CADPS: variants seen among roughly 807,000 people sequenced by gnomAD.
The protein encoded by CADPS is calcium dependent secretion activator, also known as calcium-dependent secretion activator 1.
A neutral mutation model predicts 167.3 loss-of-function variants in CADPS; 57 were observed. That is an observed-to-expected ratio of 0.34 (90% confidence interval 0.28 to 0.42). The LOEUF is 0.42. CADPS is among the 20% of genes least tolerant of loss of function. The pLI, the probability that CADPS is intolerant of heterozygous loss-of-function variation, is 1.00. For missense variants in CADPS, 1,414 were observed against 1,738.1 expected (o/e 0.81, Z 3.32); for synonymous variants, 676 against 635.3 (o/e 1.06, Z -0.96).
At chr3:62,473,530 G>A (rs1467361629) in intron 24 of CADPS, among the ~76,000 whole-genome samples, 1 of 152,160 alleles carries the variant, frequency 6.6e-6, no homozygotes, top group Non-Finnish European at 1.5e-5. Flanking sequence ...AGAGAAAAAT[G>A]ATCATGATAG....
chr3:62,779,770 C>T (rs915514911), intron 1 of CADPS: 8 of 319,900 alleles, frequency 2.5e-5, no homozygotes, highest in Admixed American at 3.9e-5. Flanking sequence ...CCAACCTCCA[C>T]GAAGCTCCTC....
rs1194259295 is a variant in CADPS at position 62,602,364 on chromosome 3, C to T, written c.1326-9616G>A. On this transcript the variant is annotated intron_variant, in intron 6 of 29. Coordinates refer to ENST00000383710, the MANE Select transcript of CADPS (RefSeq NM_003716.4). This position sits in a 1 kb window ranked among gnomAD's most constrained non-coding sequence, Gnocchi z 4.4. ...TGGATTTGCATTTATTCAAGGTATA[C>T]GGCTCATGTGAACTGGGTGTTAAAT... is the stretch of plus-strand genomic sequence containing the variant. Among the ~76,000 whole-genome samples the T allele has an allele frequency of 5.3e-5, 8 of 152,008 alleles. No individual in the cohort carries two copies. Among genetic ancestry groups the T allele is most frequent in the Admixed American group, 1.3e-4 (2 of 15,266 alleles).
At chr3:62,608,080 C>G (rs2060939299) in intron 6 of CADPS, among the ~76,000 whole-genome samples, 1 of 152,116 alleles carries the variant, frequency 6.6e-6, no homozygotes, top group African/African-American at 2.4e-5. Flanking sequence ...GGTATATTGA[C>G]ACTATCACAG....
chr3:62,484,337 T>C lies in CADPS; in HGVS notation c.3027-2468A>G, dbSNP rs540632527. Among the ~76,000 whole-genome samples the C allele has an allele frequency of 3.9e-5, 6 of 152,254 alleles. No individual in the cohort carries two copies. In the South Asian group the frequency reaches 1.0e-3, roughly 26 times the overall value. ...AAGCATAATATTTTACTAATATACA[T>C]GTGAAAAGGGGGAATTTTTAAGTAG... On this transcript the variant is annotated intron_variant, in intron 21 of 29. Transcript: ENST00000383710.
At chr3:62,843,026 G>A (rs1216976589) in intron 1 of CADPS, among the ~76,000 whole-genome samples, 4 of 152,020 alleles carry the variant, frequency 2.6e-5, no homozygotes, top group Non-Finnish European at 5.9e-5. Flanking sequence ...TAAAAATGAT[G>A]ATTCATTATC....
intron 7 of CADPS, among the ~76,000 whole-genome samples, chr3:62,587,241 C>T (rs2084842446): frequency 6.6e-6 from 1 of 152,172 alleles, no homozygotes; most frequent in Non-Finnish European, 1.5e-5. Flanking sequence ...GTTAAAGCTC[C>T]AGCATAAAAT....
At chr3:62,529,810 C>T (rs2073230047) in intron 13 of CADPS, among the ~76,000 whole-genome samples, 1 of 152,184 alleles carries the variant, frequency 6.6e-6, no homozygotes, top group South Asian at 2.1e-4. Flanking sequence ...ATGAAGCATA[C>T]AGCATACACG....
intron 8 of CADPS, among the ~76,000 whole-genome samples, chr3:62,573,193 C>T (rs1158609466): frequency 6.6e-6 from 1 of 152,138 alleles, no homozygotes; most frequent in Non-Finnish European, 1.5e-5. Flanking sequence ...CTCCCATATA[C>T]ATTAAATCTT....
At chr3:62,670,088 T>A (rs899140813) in intron 3 of CADPS, among the ~76,000 whole-genome samples, 3 of 152,186 alleles carry the variant, frequency 2.0e-5, no homozygotes, top group African/African-American at 7.2e-5. Context: ...ACATATTCAC[T>A]GTATGATCAG....
intron 23 of CADPS, among the ~76,000 whole-genome samples, chr3:62,476,765 T>A (rs2061376538): frequency 6.6e-6 from 1 of 152,182 alleles, no homozygotes; most frequent in African/African-American, 2.4e-5. Context: ...TGTACAATTA[T>A]GTGCACAGTT....
chr3:62,640,154 A>C (rs1412144107), intron 6 of CADPS, among the ~76,000 whole-genome samples: 1 of 152,140 alleles, frequency 6.6e-6, no homozygotes, highest in Non-Finnish European at 1.5e-5. Flanking sequence ...GCAAGTATCT[A>C]CCCTTTCATA....
intron 28 of CADPS, among the ~76,000 whole-genome samples, chr3:62,409,069 A>G (rs1034478575): frequency 4.6e-5 from 7 of 152,242 alleles, no homozygotes; most frequent in Non-Finnish European, 8.8e-5. Flanking sequence ...CAAGCATTAT[A>G]TAGTTTAATC....
chr3:62,553,810 G>A (rs1046667412), intron 10 of CADPS, among the ~76,000 whole-genome samples: 3 of 152,222 alleles, frequency 2.0e-5, no homozygotes, highest in African/African-American at 7.2e-5. Flanking sequence ...AGATCCACAT[G>A]TCATAACCAC....
chr3:62,476,715 A>G (rs773124517), intron 23 of CADPS, among the ~76,000 whole-genome samples: 2 of 152,072 alleles, frequency 1.3e-5, no homozygotes, highest in Non-Finnish European at 2.9e-5. Context: ...CTTGCTCCCT[A>G]CCCAGACTGG....
intron 23 of CADPS, among the ~76,000 whole-genome samples, chr3:62,476,199 G>A (rs2061302014): frequency 6.6e-6 from 1 of 152,120 alleles, no homozygotes; most frequent in Admixed American, 6.6e-5. Flanking sequence ...TTTTGTCATG[G>A]CATATTTATA....
chr3:62,720,337 G>GTT (rs139093687), intron 3 of CADPS, among the ~76,000 whole-genome samples: 2 of 137,734 alleles, frequency 1.5e-5, no homozygotes, highest in Non-Finnish European at 3.1e-5. Flanking sequence ...TTGTTTGTTT[G>GTT]TTTGTTTTTT....
intron 27 of CADPS, chr3:62,439,164 G>T (rs978636409): frequency 6.6e-6 from 1 of 152,088 alleles, no homozygotes; most frequent in Non-Finnish European, 1.5e-5. Flanking sequence ...TAACTAAAAA[G>T]ATTAGTTTTC....
intron 26 of CADPS, among the ~76,000 whole-genome samples, chr3:62,449,764 T>C (rs1296469772): frequency 2.0e-5 from 3 of 151,940 alleles, no homozygotes; most frequent in African/African-American, 7.3e-5. Flanking sequence ...CTTTTTGTCT[T>C]TGTGTATTTT....
In CADPS at chr3:62,599,918, C is replaced by CAATATATTATATATATAATATAT. The variant is rs1562722928; in HGVS notation, c.1326-7193_1326-7171dup. Among the ~76,000 whole-genome samples, 4 of 86,004 alleles carry CAATATATTATATATATAATATAT rather than the reference C, an allele frequency of 4.7e-5. No homozygotes were observed. The East Asian group carries it at 9.0e-4, about 19-fold the overall frequency. 56.4% of individuals were successfully genotyped at this position (86,004 alleles called of 152,430 possible). A position where few individuals can be genotyped will look rare whatever the true frequency, so the allele number is the denominator to read the frequency against. On this transcript the variant is annotated intron_variant, in intron 6 of 29. Coordinates refer to ENST00000383710, the MANE Select transcript of CADPS (RefSeq NM_003716.4). ...TATATACCATATTATATATAATATACAATATATTATATATATAATATATAT... is the reference window on the plus strand; with the variant it reads ...TATATACCATATTATATATAATATACAATATATTATATATATAATATATAATATATTATATATATAATATATAT...
Sources: gnomAD v4.1 joint callset for allele counts (sites outside exome capture counted in the v4.1 genomes callset) on GRCh38, gnomAD v4.1.1 for gene constraint, Gnocchi (gnomAD v3.1) non-coding constraint, MANE v1.5 for transcripts, NCBI Gene and HGNC (gene_info 2026-07-23, HGNC 2026-07-21) for gene names.